The following RNF149 variants were observed in gnomAD, a reference collection of about 807,000 sequenced individuals.
RNF149 encodes the protein E3 ubiquitin-protein ligase RNF149.
A neutral mutation model predicts 39.0 loss-of-function variants in RNF149; 21 were observed. The observed-to-expected ratio is 0.54, with a 90% confidence interval of 0.38 to 0.77. The LOEUF is 0.77. Among genes scored for constraint, RNF149 ranks in the 30% least tolerant of loss-of-function variants. The pLI is 0.00. For synonymous variants in RNF149, 209 were observed against 213.6 expected, an observed-to-expected ratio of 0.98 and a Z score of 0.19; for missense variants, 493 against 534.9, an observed-to-expected ratio of 0.92 and a Z score of 0.77.
At chr2:101,307,556 G>A (rs545489885) in intron 1 of RNF149, among the ~76,000 whole-genome samples, 11 of 152,326 alleles carry the variant, frequency 7.2e-5, no homozygotes, top group South Asian at 6.2e-4. Flanking sequence ...CTGACTGGCA[G>A]TACAGCCAGT....
intron 5 of RNF149, among the ~76,000 whole-genome samples, chr2:101,282,668 T>C (rs935065): frequency 0.88 from 133,429 of 152,154 alleles, 58,613 homozygotes; most frequent in East Asian, 1. Flanking sequence ...AGCTAGAAAC[T>C]TTATTTGATT....
intron 1 of RNF149, chr2:101,307,841 C>A (rs2104446656): frequency 1.0e-6 from 1 of 985,444 alleles, no homozygotes; most frequent in East Asian, 1.1e-4. Context: ...ATTTCCTCAC[C>A]TGTTAGAACC....
At position 101,294,029 on chromosome 2, in the gene RNF149, T is replaced by C. The variant is rs1433179228; in HGVS notation, c.765A>G (p.Val255=). 6.3e-7 allele frequency: 1 copy of C among 1,587,956 alleles called. No individual in the cohort carries two copies. The highest frequency in any genetic ancestry group is 2.2e-5 in the East Asian group (1 of 44,696). Residue 255 remains valine (V), a synonymous_variant, in exon 3 of 7, where the codon GTA becomes GTG. Transcript: ENST00000295317. The part of the protein sequence containing the change: ...KVIGQLLLHT[V]KHGEKGIDVD... ...AAAATATTACCTTTTCTCCATGCTT[T>C]ACAGTATGAAGTAGAAGCTGGCCAA... is the stretch of plus-strand genomic sequence containing the variant.
At chr2:101,295,940 G>A (rs540129733) in intron 1 of RNF149, among the ~76,000 whole-genome samples, 17 of 152,130 alleles carry the variant, frequency 1.1e-4, no homozygotes, top group Non-Finnish European at 1.9e-4. Context: ...ATAGGTTGAA[G>A]ACAGGAGTTG....
Position 101,281,858 on chromosome 2 carries a change from C to T in RNF149, c.1159+1G>A. The T allele has an allele frequency of 6.2e-7, 1 of 1,613,644 alleles. No individual in the cohort carries two copies. The highest frequency in any genetic ancestry group is 8.5e-7 in the Non-Finnish European group (1 of 1,179,960). ...TGTTTTATAATTTGCACACCGCTCA[C>T]CTAGCAATGCCGTATTTTCTCCTGC... On this transcript the variant is annotated splice_donor_variant, in intron 6 of 6. Coordinates refer to ENST00000295317, the MANE Select transcript of RNF149 (RefSeq NM_173647.4). LOFTEE classifies it high-confidence loss of function.
At chr2:101,292,599 T>A (rs1486555491) in intron 3 of RNF149, among the ~76,000 whole-genome samples, 1 of 152,110 alleles carries the variant, frequency 6.6e-6, no homozygotes, top group Non-Finnish European at 1.5e-5. Context: ...ACTCCGTCTC[T>A]ACTAAAAATA....
intron 5 of RNF149, among the ~76,000 whole-genome samples, chr2:101,285,437 A>G (rs937751147): frequency 6.6e-6 from 1 of 152,224 alleles, no homozygotes; most frequent in Non-Finnish European, 1.5e-5. Flanking sequence ...TCTAAGCTCA[A>G]GTTTCTAATC....
chr2:101,273,258 GTCACGGACACT>G (rs1225956834), downstream of RNF149: 2 of 590,476 alleles, frequency 3.4e-6, no homozygotes, highest in Non-Finnish European at 5.9e-6. Context: ...GAGCAGCACA[GTCACGGACACT>G]GCCTCCTTCT....
intron 5 of RNF149, among the ~76,000 whole-genome samples, chr2:101,285,382 T>A (rs1682758865): frequency 6.6e-6 from 1 of 152,182 alleles, no homozygotes; most frequent in Non-Finnish European, 1.5e-5. Context: ...GAAAGATGAT[T>A]CCCCATTAGC....
intron 1 of RNF149, among the ~76,000 whole-genome samples, chr2:101,298,279 G>T (rs1335707699): frequency 1.3e-5 from 2 of 152,082 alleles, no homozygotes; most frequent in Non-Finnish European, 1.5e-5. Flanking sequence ...ACAAAAATTA[G>T]CTGGGTGTGG....
intron 4 of RNF149, among the ~76,000 whole-genome samples, chr2:101,287,524 G>A (rs1682841136): frequency 6.6e-6 from 1 of 152,206 alleles, no homozygotes; most frequent in Non-Finnish European, 1.5e-5. Context: ...TCAGCCACCA[G>A]CATGACCTAG....
rs1682349529 is a variant in RNF149, at chr2:101,276,535, T to C, written c.*703A>G. 3.0e-6 allele frequency: 3 copies of C among 985,816 alleles called. No individual in the cohort carries two copies. Among genetic ancestry groups the C allele is most frequent in the Admixed American group, 1.2e-4 (2 of 16,286 alleles). The allele number at this position is 985,816 out of a possible 1,614,324, so 61.1% of individuals were successfully genotyped here. ...AAGGCAATGAAGAACTTAATGCTCATGTGCGATATAGAATCTTAGCTTTTT... is the reference window on the plus strand; with the variant it reads ...AAGGCAATGAAGAACTTAATGCTCACGTGCGATATAGAATCTTAGCTTTTT... On this transcript the variant is annotated 3_prime_UTR_variant, in exon 7 of 7. Transcript: ENST00000295317.
chr2:101,293,688 T>C (rs918242352), intron 3 of RNF149, among the ~76,000 whole-genome samples: 7 of 152,212 alleles, frequency 4.6e-5, no homozygotes, highest in African/African-American at 1.4e-4. Flanking sequence ...CAAGGGTCTG[T>C]GAAGACTGTA....
At chr2:101,289,730 C>T (rs1225751516) in intron 3 of RNF149, among the ~76,000 whole-genome samples, 1 of 149,748 alleles carries the variant, frequency 6.7e-6, no homozygotes, top group Non-Finnish European at 1.5e-5. Context: ...AAAAAAGAGA[C>T]AGGGTCTTAC....
intron 5 of RNF149, among the ~76,000 whole-genome samples, chr2:101,283,159 C>T (rs1558780221): frequency 6.6e-6 from 1 of 152,194 alleles, no homozygotes; most frequent in Non-Finnish European, 1.5e-5. Context: ...CCCCACCTTC[C>T]AACTTCTACC....
chr2:101,279,193 T>TG (rs1573219512), intron 6 of RNF149, among the ~76,000 whole-genome samples: 1 of 152,002 alleles, frequency 6.6e-6, no homozygotes, highest in East Asian at 1.9e-4. Context: ...CGGGGTGGGG[T>TG]GGGGACACTG....
chr2:101,288,851 A>G (rs1682893327), intron 4 of RNF149, 122 bp downstream of exon 4: 1 of 599,834 alleles, frequency 1.7e-6, no homozygotes, highest in Non-Finnish European at 3.0e-6. Context: ...TGCTTTTCTA[A>G]AAAGAAGAGA....
intron 3 of RNF149, among the ~76,000 whole-genome samples, chr2:101,293,204 G>C (rs1209573556): frequency 6.6e-6 from 1 of 151,820 alleles, no homozygotes; most frequent in African/African-American, 2.4e-5. Flanking sequence ...TAAGGTCAAA[G>C]AAAGAGATAT....
At chr2:101,302,787 C>T (rs571745494) in intron 1 of RNF149, among the ~76,000 whole-genome samples, 39 of 152,028 alleles carry the variant, frequency 2.6e-4, no homozygotes, top group African/African-American at 9.2e-4. Context: ...CAGAAGCAGC[C>T]GGGCAACACA....
Sources: gnomAD v4.1 joint callset for allele counts (sites outside exome capture counted in the v4.1 genomes callset) on GRCh38, gnomAD v4.1.1 for gene constraint, MANE v1.5 for transcripts, NCBI Gene and HGNC (gene_info 2026-07-23, HGNC 2026-07-21) for gene names.